The following PLAC8L1 variants were observed in gnomAD, a reference collection of about 807,000 sequenced individuals.
The protein encoded by PLAC8L1 is PLAC8-like protein 1.
Under a neutral mutation model 16.3 loss-of-function variants are expected in PLAC8L1, and 13 were observed. The ratio of observed to expected loss-of-function variants is 0.80; its 90% CI spans 0.52 to 1.27. The LOEUF is 1.27. Among genes scored for constraint, PLAC8L1 ranks in the 50% most tolerant of loss-of-function variants. The probability of loss-of-function intolerance (pLI) is 0.00; values close to 1 mark genes in which losing one functional copy is unlikely to be tolerated. For synonymous variants in PLAC8L1, 78 were observed against 79.3 expected (o/e 0.98, Z 0.09); for missense variants, 184 against 220.2 (o/e 0.84, Z 1.04).
rs183697223 is a variant in PLAC8L1, at chr5:146,103,622, G to A, written c.119+571C>T. On this transcript the variant is annotated intron_variant, in intron 1 of 3. Transcript: ENST00000311450. The stretch of plus-strand genomic sequence containing the variant: ...GTGATCCTAACCCTCAGAAGGTGAG[G>A]GAGGCTTTAACTCAGGAGGCAGGAG... 3.3e-5 allele frequency: 32 copies of A among 972,044 alleles called. 1 individual carries two copies. The East Asian group carries it at 2.9e-3, about 87-fold the overall frequency. 60.2% of individuals were successfully genotyped at this position (972,044 alleles called of 1,614,324 possible). A position where few individuals can be genotyped will look rare whatever the true frequency, so the allele number is the denominator to read the frequency against.
chr5:146,101,992 T>G (rs1005653287), intron 1 of PLAC8L1, among the ~76,000 whole-genome samples: 1 of 152,024 alleles, frequency 6.6e-6, no homozygotes, highest in Non-Finnish European at 1.5e-5. Context: ...ACTAACAGGA[T>G]AGCTTTTCCT....
intron 2 of PLAC8L1, among the ~76,000 whole-genome samples, chr5:146,089,247 A>G (rs920361128): frequency 6.6e-6 from 1 of 152,208 alleles, no homozygotes; most frequent in Admixed American, 6.5e-5. Flanking sequence ...ATTAGGAGGT[A>G]GTACTAGATG....
rs1352012252 is a variant in PLAC8L1 at position 146,105,072 on chromosome 5, T to C, written c.-761A>G. On this transcript the variant is annotated 5_prime_UTR_variant, in exon 1 of 4. It removes an upstream start codon present in the reference 5' UTR. Coordinates refer to ENST00000311450, the MANE Select transcript of PLAC8L1 (RefSeq NM_001029869.3). ...GCCTCTGAATCATGCCTCTGGCACATGTCTTATGGAGGTGTGGACCCTAGA... is the reference window on the plus strand; with the variant it reads ...GCCTCTGAATCATGCCTCTGGCACACGTCTTATGGAGGTGTGGACCCTAGA... Among the ~76,000 whole-genome samples, 1 of 152,218 alleles carries C rather than the reference T, an allele frequency of 6.6e-6. No individual in the cohort carries two copies. The highest frequency in any genetic ancestry group is 2.4e-5 in the African/African-American group (1 of 41,466).
At position 146,105,008 on chromosome 5, in the gene PLAC8L1, A is replaced by T. The variant is rs1444836140; in HGVS notation, c.-697T>A. Among the ~76,000 whole-genome samples, 1 of 152,192 alleles carries T rather than the reference A, an allele frequency of 6.6e-6. No homozygotes were observed. Among genetic ancestry groups the T allele is most frequent in the East Asian group, 1.9e-4 (1 of 5,200 alleles). ...TAACTGAAGCAAGGCTTGCCTGGTG[A>T]TGTCCTCACAACAGCTCTGAATCCT... On this transcript the variant is annotated 5_prime_UTR_variant, in exon 1 of 4. Coordinates refer to ENST00000311450, the MANE Select transcript of PLAC8L1 (RefSeq NM_001029869.3).
At position 146,084,407 on chromosome 5, in the gene PLAC8L1, G is replaced by A. The variant is rs763539035; in HGVS notation, c.*25C>T. 27 of 1,611,632 alleles carry A rather than the reference G, an allele frequency of 1.7e-5. No homozygotes were observed. Among genetic ancestry groups the A allele is most frequent in the Non-Finnish European group, 2.1e-5 (25 of 1,178,406 alleles). ...AGGTTTGAGAGGAGGGTGTTGGGGA[G>A]TAAGGAGGAGGAGTTATCTTGCTGT... On this transcript the variant is annotated 3_prime_UTR_variant, in exon 4 of 4. Transcript: ENST00000311450.
intron 2 of PLAC8L1, among the ~76,000 whole-genome samples, chr5:146,093,977 T>C (rs1288414289): frequency 2.0e-5 from 3 of 152,216 alleles, no homozygotes; most frequent in Non-Finnish European, 4.4e-5. Flanking sequence ...TTTACCCCAT[T>C]CTCCTATAAT....
At chr5:146,088,998 G>T (rs1036128345) in intron 2 of PLAC8L1, among the ~76,000 whole-genome samples, 1 of 152,136 alleles carries the variant, frequency 6.6e-6, no homozygotes, top group Non-Finnish European at 1.5e-5. Context: ...TTGCTTAATT[G>T]TAAAGCTGGC....
At chr5:146,092,535 ATTT>A (rs35101919) in intron 2 of PLAC8L1, among the ~76,000 whole-genome samples, 40 of 100,372 alleles carry the variant, frequency 4.0e-4, no homozygotes, top group African/African-American at 8.4e-4. Context: ...ATCTTTGCAG[ATTT>A]TTTTTTTTTT....
At chr5:146,092,130 G>A (rs957848530) in intron 2 of PLAC8L1, among the ~76,000 whole-genome samples, 2 of 152,146 alleles carry the variant, frequency 1.3e-5, no homozygotes, top group African/African-American at 4.8e-5. Context: ...AGAGTGTGGA[G>A]CCCCGAGATT....
chr5:146,089,935 C>T (rs1212417006), intron 2 of PLAC8L1, among the ~76,000 whole-genome samples: 1 of 151,854 alleles, frequency 6.6e-6, no homozygotes, highest in Non-Finnish European at 1.5e-5. Context: ...GACAGGGTTT[C>T]ACCACGTTGG....
At chr5:146,084,952 G>T (rs6580408) in intron 3 of PLAC8L1, among the ~76,000 whole-genome samples, 60,866 of 152,072 alleles carry the variant, frequency 0.4, 12,802 homozygotes, top group African/African-American at 0.51. Context: ...AGTAAATCCC[G>T]CTCTCCAGCT....
intron 1 of PLAC8L1, chr5:146,103,757 C>T (rs1285707311): frequency 1.0e-6 from 1 of 985,296 alleles, no homozygotes; most frequent in Non-Finnish European, 1.2e-6. Flanking sequence ...CTCCCACATG[C>T]CTGGTTCTTC....
rs180744277 is a variant in PLAC8L1, at chr5:146,091,090, G to C, written c.257-5493C>G. Among the ~76,000 whole-genome samples, 4 of 152,070 alleles carry C rather than the reference G, an allele frequency of 2.6e-5. No homozygotes were observed. The East Asian group carries it at 7.7e-4, about 29-fold the overall frequency. On this transcript the variant is annotated intron_variant, in intron 2 of 3. Coordinates refer to ENST00000311450, the MANE Select transcript of PLAC8L1 (RefSeq NM_001029869.3). ...AATTGTTAATATGATATATTGTGGG[G>C]AGCCATGAAGAAATAAGTACTCCAC...
At chr5:146,097,093 C>A (rs1044270487) in intron 2 of PLAC8L1, among the ~76,000 whole-genome samples, 1 of 152,216 alleles carries the variant, frequency 6.6e-6, no homozygotes, top group African/African-American at 2.4e-5. Context: ...TCATCCATCA[C>A]ACATACCCTC....
intron 1 of PLAC8L1, among the ~76,000 whole-genome samples, chr5:146,102,040 C>CTTT (rs36011275): frequency 0.2 from 25,969 of 129,738 alleles, 3,358 homozygotes; most frequent in Admixed American, 0.29. Context: ...TGTGTTTACC[C>CTTT]TTTTTTTTTT....
chr5:146,092,535 A>ATTTTTTTTTTTTTTTTT (rs35101919), intron 2 of PLAC8L1, among the ~76,000 whole-genome samples: 1 of 100,384 alleles, frequency 1.0e-5, no homozygotes, highest in Non-Finnish European at 1.9e-5. Flanking sequence ...ATCTTTGCAG[A>ATTTTTTTTTTTTTTTTT]TTTTTTTTTT....
At chr5:146,090,898 C>CA (rs1340124064) in intron 2 of PLAC8L1, among the ~76,000 whole-genome samples, 1 of 151,866 alleles carries the variant, frequency 6.6e-6, no homozygotes, top group African/African-American at 2.4e-5. Context: ...GCTAAAAATA[C>CA]AAAAAATTAG....
At chr5:146,094,738 G>A (rs1763682353) in intron 2 of PLAC8L1, among the ~76,000 whole-genome samples, 2 of 152,088 alleles carry the variant, frequency 1.3e-5, no homozygotes, top group Non-Finnish European at 2.9e-5. Context: ...GCACAGAGGT[G>A]GGAAGAAGGA....
In PLAC8L1 at chr5:146,104,398, A is replaced by T; in HGVS notation, c.-87T>A. 1.0e-6 allele frequency: 1 copy of T among 1,001,596 alleles called. No individual in the cohort carries two copies. Among genetic ancestry groups the T allele is most frequent in the Non-Finnish European group, 1.6e-6 (1 of 632,100 alleles). 62.0% of individuals were successfully genotyped at this position (1,001,596 alleles called of 1,614,324 possible). ...CTAAACTTCGGATTAGTCCAAAGTG[A>T]AACATCTCTTGAAAGAATGTTCCCT... On this transcript the variant is annotated 5_prime_UTR_variant, in exon 1 of 4. Transcript: ENST00000311450.
Sources: allele counts gnomAD v4.1 joint callset (sites outside exome capture counted in the v4.1 genomes callset), GRCh38; gene constraint gnomAD v4.1.1; transcripts MANE v1.5; gene names NCBI Gene and HGNC (gene_info 2026-07-23, HGNC 2026-07-21).